The following PROM1 variants were observed in gnomAD, a reference collection of about 807,000 sequenced individuals.
PROM1 encodes prominin 1.
A neutral mutation model predicts 116.9 loss-of-function variants in PROM1; 105 were observed. That is an observed-to-expected ratio of 0.90 (90% CI 0.77 to 1.06). The LOEUF is 1.06. Ranked by LOEUF, PROM1 falls within the 50% of genes least tolerant of loss-of-function variation. PROM1 has a pLI of 0.00. For synonymous variants in PROM1, 393 were observed against 387.0 expected (o/e 1.02, Z -0.18); for missense variants, 1,122 against 1,045.2 (o/e 1.07, Z -1.01).
At chr4:15,977,890 G>A (rs1056420199) in intron 26 of PROM1, among the ~76,000 whole-genome samples, 17 of 152,184 alleles carry the variant, frequency 1.1e-4, no homozygotes, top group Admixed American at 2.6e-4. Flanking sequence ...GAGCCACCGC[G>A]CTTGGCCAAG....
intron 9 of PROM1, among the ~76,000 whole-genome samples, chr4:16,017,533 T>C (rs1728699731): frequency 6.6e-6 from 1 of 152,208 alleles, no homozygotes. Flanking sequence ...ATATAAAATG[T>C]GAGGTGTCCG....
intron 11 of PROM1, among the ~76,000 whole-genome samples, chr4:16,011,314 A>C (rs1170067786): frequency 6.6e-6 from 1 of 152,182 alleles, no homozygotes; most frequent in Non-Finnish European, 1.5e-5. Flanking sequence ...GGCTGGCTAA[A>C]GGACAAGCAG....
rs181437389 is a variant in PROM1, at chr4:15,998,264, C to A, written c.1682+121G>T. The A allele has an allele frequency of 1.2e-5, 17 of 1,365,512 alleles. No homozygotes were observed. In the East Asian group the frequency reaches 4.2e-4, roughly 34 times the overall value. The allele number at this position is 1,365,512 out of a possible 1,614,324, so 84.6% of individuals were successfully genotyped here. On this transcript the variant is annotated intron_variant, in intron 15 of 27. Coordinates refer to ENST00000447510, the MANE Select transcript of PROM1 (RefSeq NM_006017.3). Reference sequence around the variant, plus strand: ...ACTGTGTCTTTAAAATAATACAGGACAGCTTATCTCTGAAACATGAAAGTC... The same window carrying A: ...ACTGTGTCTTTAAAATAATACAGGAAAGCTTATCTCTGAAACATGAAAGTC...
chr4:16,048,724 T>C (rs1156912064), intron 2 of PROM1, among the ~76,000 whole-genome samples: 1 of 152,188 alleles, frequency 6.6e-6, no homozygotes, highest in African/African-American at 2.4e-5. Context: ...GAACTCACTC[T>C]GCAAGTAAGG....
At chr4:16,030,482 A>AT (rs1352339154) in intron 5 of PROM1, among the ~76,000 whole-genome samples, 1 of 152,202 alleles carries the variant, frequency 6.6e-6, no homozygotes, top group Non-Finnish European at 1.5e-5. Flanking sequence ...CACAGCATGC[A>AT]TTTTTAAAAA....
At chr4:16,004,894 CCTCT>C (rs1300457356) in intron 13 of PROM1, among the ~76,000 whole-genome samples, 1 of 98,422 alleles carries the variant, frequency 1.0e-5, no homozygotes, top group Admixed American at 9.7e-5. Context: ...TCTCCCTCCC[CCTCT>C]CTCTCTCCCT....
chr4:15,972,393 C>A (rs1318046834), intron 26 of PROM1, among the ~76,000 whole-genome samples: 1 of 152,162 alleles, frequency 6.6e-6, no homozygotes, highest in African/African-American at 2.4e-5. Flanking sequence ...GACGCATCAT[C>A]CCATAATGGA....
chr4:16,063,237 C>T (rs1443910627), intron 2 of PROM1, among the ~76,000 whole-genome samples: 2 of 152,072 alleles, frequency 1.3e-5, no homozygotes, highest in Admixed American at 6.6e-5. Flanking sequence ...GGAAAAGCAA[C>T]GTGGTTCTTC....
At chr4:15,970,168 CTTT>C (rs200730261) in intron 27 of PROM1, among the ~76,000 whole-genome samples, 3 of 139,404 alleles carry the variant, frequency 2.2e-5, no homozygotes, top group Non-Finnish European at 3.1e-5. Flanking sequence ...CTTTTCTTTT[CTTT>C]TTTTTTTTTT....
At chr4:16,017,988 G>A (rs1030804897) in intron 9 of PROM1, among the ~76,000 whole-genome samples, 1 of 146,142 alleles carries the variant, frequency 6.8e-6, no homozygotes, top group African/African-American at 2.6e-5. Flanking sequence ...CAGCATACAT[G>A]GCTAATAGAC....
In PROM1 at chr4:15,991,217, C is replaced by G. The variant is rs1560421595; in HGVS notation, c.1983+5G>C. 6.2e-7 allele frequency: 1 copy of G among 1,604,616 alleles called. No homozygotes were observed. The highest frequency in any genetic ancestry group is 2.3e-5 in the East Asian group (1 of 44,396). ...ACAGTATTTAACCGGACGATTTGAA[C>G]TCACCAAACTGTTTGCTTTTGCTTC... On this transcript the variant is annotated splice_donor_5th_base_variant and intron_variant, in intron 18 of 27. Coordinates refer to ENST00000447510, the MANE Select transcript of PROM1 (RefSeq NM_006017.3).
At chr4:16,071,443 T>C (rs967947906) in intron 2 of PROM1, among the ~76,000 whole-genome samples, 20 of 152,326 alleles carry the variant, frequency 1.3e-4, no homozygotes, top group Non-Finnish European at 2.1e-4. Context: ...TGAATATCTG[T>C]GTCCCCTGAC....
intron 2 of PROM1, among the ~76,000 whole-genome samples, chr4:16,042,100 C>T (rs994927407): frequency 1.3e-5 from 2 of 152,110 alleles, no homozygotes; most frequent in Non-Finnish European, 2.9e-5. Context: ...AGGCGTGAGC[C>T]ACCGTGCCTG....
At chr4:16,065,792 G>T (rs1232462745) in intron 2 of PROM1, among the ~76,000 whole-genome samples, 1 of 152,216 alleles carries the variant, frequency 6.6e-6, no homozygotes, top group Non-Finnish European at 1.5e-5. Flanking sequence ...GGAGTAGCAG[G>T]CTGAATGGTG....
intron 6 of PROM1, 87 bp downstream of exon 6, chr4:16,025,105 G>A: frequency 6.9e-7 from 1 of 1,441,064 alleles, no homozygotes; most frequent in Non-Finnish European, 9.5e-7. Context: ...GTTTCTAGAA[G>A]GTTTGATTGA....
intron 5 of PROM1, among the ~76,000 whole-genome samples, chr4:16,028,253 A>G (rs548702644): frequency 6.6e-6 from 1 of 152,370 alleles, no homozygotes; most frequent in East Asian, 1.9e-4. Context: ...TAAATTTTGT[A>G]TTTAAATTCT....
At chr4:16,045,468 A>G (rs1179275665) in intron 2 of PROM1, among the ~76,000 whole-genome samples, 3 of 152,106 alleles carry the variant, frequency 2.0e-5, no homozygotes, top group African/African-American at 2.4e-5. Flanking sequence ...GTGAACCACA[A>G]ACATTTTGTA....
chr4:16,049,289 C>T (rs1476028255), intron 2 of PROM1, among the ~76,000 whole-genome samples: 1 of 152,130 alleles, frequency 6.6e-6, no homozygotes, highest in African/African-American at 2.4e-5. Flanking sequence ...AGATCACAAA[C>T]GCTGCTGTGA....
rs186716972 is a variant in PROM1 at position 16,077,263 on chromosome 4, A to T, written c.-212-1145T>A. On this transcript the variant is annotated intron_variant, in intron 1 of 27. Coordinates refer to ENST00000447510, the MANE Select transcript of PROM1 (RefSeq NM_006017.3). ...ACCGCCTTAGGGCTGGAGGTGGGACATGCGGGCAACAATGCTGCTCTGTAA... is the reference window on the plus strand; with the variant it reads ...ACCGCCTTAGGGCTGGAGGTGGGACTTGCGGGCAACAATGCTGCTCTGTAA... Among the ~76,000 whole-genome samples, 12 of 152,376 alleles carry T rather than the reference A, an allele frequency of 7.9e-5. No individual in the cohort carries two copies. The East Asian group carries it at 2.3e-3, about 29-fold the overall frequency.
Sources: gnomAD v4.1 joint callset for allele counts (sites outside exome capture counted in the v4.1 genomes callset) on GRCh38, gnomAD v4.1.1 for gene constraint, MANE v1.5 for transcripts, NCBI Gene and HGNC (gene_info 2026-07-23, HGNC 2026-07-21) for gene names.